C4orf46: variants seen among roughly 807,000 people sequenced by gnomAD.
C4orf46 encodes the protein renal cancer differentiation gene 1 protein.
C4orf46 carries 8 observed loss-of-function variants against 9.1 expected under a neutral mutation model. The ratio of observed to expected loss-of-function variants is 0.88; its 90% CI spans 0.52 to 1.59. The LOEUF (loss-of-function observed/expected upper bound fraction) is 1.59, where lower values mean the gene tolerates loss of function less well. Ranked by LOEUF, C4orf46 falls within the 40% of genes most tolerant of loss-of-function variation. The probability of loss-of-function intolerance (pLI) is 0.00; values close to 1 mark genes in which losing one functional copy is unlikely to be tolerated. For synonymous variants in C4orf46, 51 were observed against 58.8 expected (o/e 0.87, Z 0.61); for missense variants, 151 against 139.1 (o/e 1.09, Z -0.43).
rs1030688366 is a variant in C4orf46, at chr4:158,667,371, C to T, written c.*2242G>A. 5.3e-5 allele frequency: 8 copies of T among 151,984 alleles called. No individual in the cohort carries two copies. The highest frequency in any genetic ancestry group is 1.3e-4 in the Admixed American group (2 of 15,266). The allele number at this position is 151,984 out of a possible 1,614,324, so 9.4% of individuals were successfully genotyped here. A position where few individuals can be genotyped will look rare whatever the true frequency, so the allele number is the denominator to read the frequency against. On this transcript the variant is annotated 3_prime_UTR_variant, in exon 2 of 2. Transcript: ENST00000379205. ...GACTATTTTTATGACATTTCCTATA[C>T]AAAAACCAGAAAAAGCAAATCATTA...
In C4orf46 at chr4:158,671,698, A is replaced by T. The variant is rs1773556741; in HGVS notation, c.104T>A (p.Val35Glu). The change falls in exon 1 of 2, where the codon GTG (valine) becomes GAG (glutamate). Residue 35 changes from valine to glutamate, a missense_variant. Val to Glu is a moderately radical substitution (Grantham distance 121, BLOSUM62 -2). Coordinates refer to ENST00000379205, the MANE Select transcript of C4orf46 (RefSeq NM_001008393.4). ...GCTCGGAACTGGCCAGCCCAAACTC[A>T]CTGGGCCGCCCGGGGAAGATGCTGC... is the stretch of plus-strand genomic sequence containing the variant. ...ASAASSPGGP[V>E]SLGWPVPSRS... The T allele has an allele frequency of 6.2e-7, 1 of 1,611,236 alleles. No individual in the cohort carries two copies. The highest frequency in any genetic ancestry group is 8.5e-7 in the Non-Finnish European group (1 of 1,178,820).
chr4:158,671,507 G>A (rs1773544742), intron 1 of C4orf46, 109 bp downstream of exon 1: 3 of 1,187,126 alleles, frequency 2.5e-6, no homozygotes, highest in South Asian at 3.7e-5. Context: ...AGGGCCGGTC[G>A]TCCCGGGTCA....
rs1305377557 is a variant in C4orf46 at position 158,666,980 on chromosome 4, T to G, written c.*2633A>C. The G allele has an allele frequency of 6.6e-6, 1 of 152,216 alleles. No individual in the cohort carries two copies. The highest frequency in any genetic ancestry group is 1.5e-5 in the Non-Finnish European group (1 of 68,034). 9.4% of individuals were successfully genotyped at this position (152,216 alleles called of 1,614,324 possible). A position where few individuals can be genotyped will look rare whatever the true frequency, so the allele number is the denominator to read the frequency against. On this transcript the variant is annotated 3_prime_UTR_variant, in exon 2 of 2. Transcript: ENST00000379205. ...TCTTGGTATCAGGAAAGCATCTTTA[T>G]CAAAGAAGTTTGTATGGCTTGCTAC...
rs141058770 is a variant in C4orf46, at chr4:158,667,518, T to G, written c.*2095A>C. ...ACAGATCATTAGTATTCAAAATATG[T>G]AATATCTAAAAACTGACAAGTAAAA... On this transcript the variant is annotated 3_prime_UTR_variant, in exon 2 of 2. Coordinates refer to ENST00000379205, the MANE Select transcript of C4orf46 (RefSeq NM_001008393.4). 3.9e-5 allele frequency: 6 copies of G among 151,994 alleles called. No homozygotes were observed. Among genetic ancestry groups the G allele is most frequent in the African/African-American group, 1.2e-4 (5 of 41,466 alleles). The allele number at this position is 151,994 out of a possible 1,614,324, so 9.4% of individuals were successfully genotyped here.
chr4:158,671,872 CG>C lies in C4orf46; in HGVS notation c.-72del. ...ACACCAACTGTCTTTTAACCACTCG[CG>C]CCCAAAGCCGAAAGGCCCCGCCTCC... is the stretch of plus-strand genomic sequence containing the variant. On this transcript the variant is annotated 5_prime_UTR_variant, in exon 1 of 2. Coordinates refer to ENST00000379205, the MANE Select transcript of C4orf46 (RefSeq NM_001008393.4). 7.7e-7 allele frequency: 1 copy of C among 1,305,290 alleles called. No homozygotes were observed. 80.9% of individuals were successfully genotyped at this position (1,305,290 alleles called of 1,614,324 possible).
At position 158,667,249 on chromosome 4, in the gene C4orf46, A is replaced by G. The variant is rs1427342796; in HGVS notation, c.*2364T>C. On this transcript the variant is annotated 3_prime_UTR_variant, in exon 2 of 2. Coordinates refer to ENST00000379205, the MANE Select transcript of C4orf46 (RefSeq NM_001008393.4). ...AATATGTAAAAATAATTAAAACAAGATTCCAAAATCATGCCATAAAAGAAA... is the reference window on the plus strand; with the variant it reads ...AATATGTAAAAATAATTAAAACAAGGTTCCAAAATCATGCCATAAAAGAAA... 6.6e-6 allele frequency: 1 copy of G among 152,208 alleles called. No individual in the cohort carries two copies. Among genetic ancestry groups the G allele is most frequent in the African/African-American group, 2.4e-5 (1 of 41,440 alleles). The allele number at this position is 152,208 out of a possible 1,614,324, so 9.4% of individuals were successfully genotyped here.
At chr4:158,671,503 G>T (rs1773544547) in intron 1 of C4orf46, 113 bp downstream of exon 1, 2 of 1,134,790 alleles carry the variant, frequency 1.8e-6, no homozygotes, top group Non-Finnish European at 2.4e-6. Context: ...CAGAAGGGCC[G>T]GTCGTCCCGG....
rs1450560578 is a variant in C4orf46, at chr4:158,667,010, A to G, written c.*2603T>C. ...GAAGTTTGTATGGCTTGCTACAGGT[A>G]GGAAAGGACAGTTAAAATAGCCATT... On this transcript the variant is annotated 3_prime_UTR_variant, in exon 2 of 2. Coordinates refer to ENST00000379205, the MANE Select transcript of C4orf46 (RefSeq NM_001008393.4). The G allele has an allele frequency of 6.6e-6, 1 of 152,238 alleles. No individual in the cohort carries two copies. The highest frequency in any genetic ancestry group is 1.5e-5 in the Non-Finnish European group (1 of 68,038). 9.4% of individuals were successfully genotyped at this position (152,238 alleles called of 1,614,324 possible). A position where few individuals can be genotyped will look rare whatever the true frequency, so the allele number is the denominator to read the frequency against.
At position 158,668,273 on chromosome 4, in the gene C4orf46, TAAG is replaced by T. The variant is rs1422060182; in HGVS notation, c.*1337_*1339del. ...TAAAAATTGCAATTTTCAGGAGATGTAAGAAGAATATTTTTCTAATACTGAAAT... is the reference window on the plus strand; with the variant it reads ...TAAAAATTGCAATTTTCAGGAGATGTAAGAATATTTTTCTAATACTGAAAT... On this transcript the variant is annotated 3_prime_UTR_variant, in exon 2 of 2. Transcript: ENST00000379205. 2 of 152,666 alleles carry T rather than the reference TAAG, an allele frequency of 1.3e-5. No homozygotes were observed. Among genetic ancestry groups the T allele is most frequent in the Admixed American group, 6.5e-5 (1 of 15,286 alleles). 9.5% of individuals were successfully genotyped at this position (152,666 alleles called of 1,614,324 possible).
rs1224051415 is a variant in C4orf46, at chr4:158,666,977, T to C, written c.*2636A>G. 1.3e-5 allele frequency: 2 copies of C among 152,204 alleles called. No individual in the cohort carries two copies. The highest frequency in any genetic ancestry group is 2.4e-5 in the African/African-American group (1 of 41,452). 9.4% of individuals were successfully genotyped at this position (152,204 alleles called of 1,614,324 possible). On this transcript the variant is annotated 3_prime_UTR_variant, in exon 2 of 2. Transcript: ENST00000379205. ...TCATCTTGGTATCAGGAAAGCATCT[T>C]TATCAAAGAAGTTTGTATGGCTTGC...
chr4:158,669,856 C>A (rs1381112124), intron 1 of C4orf46, 88 bp from the exon 2 acceptor site: 1 of 1,041,012 alleles, frequency 9.6e-7, no homozygotes, highest in Non-Finnish European at 1.4e-6. Context: ...GGCTTTGAAT[C>A]CAATGCCCAT....
In C4orf46 at chr4:158,671,601, C is replaced by G; in HGVS notation, c.186+15G>C. 2 of 1,505,712 alleles carry G rather than the reference C, an allele frequency of 1.3e-6. No individual in the cohort carries two copies. Among genetic ancestry groups the G allele is most frequent in the Non-Finnish European group, 1.8e-6 (2 of 1,120,604 alleles). The allele number at this position is 1,505,712 out of a possible 1,614,324, so 93.3% of individuals were successfully genotyped here. A position where few individuals can be genotyped will look rare whatever the true frequency, so the allele number is the denominator to read the frequency against. ...GAGGCGCCGAGGGGGGACGCGGTCC[C>G]GACACCACACTCACGTCTCCGATCT... is the stretch of plus-strand genomic sequence containing the variant. On this transcript the variant is annotated intron_variant, in intron 1 of 1. Transcript: ENST00000379205.
chr4:158,671,564 C>A, intron 1 of C4orf46, 52 bp downstream of exon 1: 1 of 1,401,942 alleles, frequency 7.1e-7, no homozygotes. Flanking sequence ...CCCGCCGCCG[C>A]CGGTCTTCCC....
rs866048868 is a variant in C4orf46 at position 158,667,874 on chromosome 4, T to C, written c.*1739A>G. The C allele has an allele frequency of 1.2e-4, 19 of 152,198 alleles. 1 individual carries two copies. Among genetic ancestry groups the C allele is most frequent in the African/African-American group, 4.6e-4 (19 of 41,440 alleles). 9.4% of individuals were successfully genotyped at this position (152,198 alleles called of 1,614,324 possible). On this transcript the variant is annotated 3_prime_UTR_variant, in exon 2 of 2. Transcript: ENST00000379205. ...GGCCATCTGGAAGCTGGCTACCACA[T>C]ATATAAAACAATATTTTGTAGCGCT...
In C4orf46 at chr4:158,667,907, AAT is replaced by A. The variant is rs1027667288; in HGVS notation, c.*1704_*1705del. On this transcript the variant is annotated 3_prime_UTR_variant, in exon 2 of 2. Transcript: ENST00000379205. ...ACAATATTTTGTAGCGCTTTTAAAA[AAT>A]ATATTTGTATTAAAAATATAAAAAC... 3.9e-5 allele frequency: 6 copies of A among 152,184 alleles called. No individual in the cohort carries two copies. The highest frequency in any genetic ancestry group is 3.9e-4 in the Admixed American group (6 of 15,272). 9.4% of individuals were successfully genotyped at this position (152,184 alleles called of 1,614,324 possible). A position where few individuals can be genotyped will look rare whatever the true frequency, so the allele number is the denominator to read the frequency against.
Position 158,668,775 on chromosome 4 carries a change from TACAA to T in C4orf46, c.*834_*837del, listed in dbSNP as rs1424166398. On this transcript the variant is annotated 3_prime_UTR_variant, in exon 2 of 2. Transcript: ENST00000379205. ...ACTTTAAAGATAGCAATCAAACATATACAAATATCAAATACAAACACTGTTAAAC... is the reference window on the plus strand; with the variant it reads ...ACTTTAAAGATAGCAATCAAACATATATATCAAATACAAACACTGTTAAAC... 6.6e-6 allele frequency: 1 copy of T among 152,024 alleles called. No individual in the cohort carries two copies. The highest frequency in any genetic ancestry group is 2.4e-5 in the African/African-American group (1 of 41,372). The allele number at this position is 152,024 out of a possible 1,614,324, so 9.4% of individuals were successfully genotyped here.
At chr4:158,671,021 G>A (rs555319976) in intron 1 of C4orf46, among the ~76,000 whole-genome samples, 5 of 152,300 alleles carry the variant, frequency 3.3e-5, no homozygotes, top group South Asian at 2.1e-4. Flanking sequence ...GAACTAAACC[G>A]TCAAAGAAGC....
chr4:158,667,917 T>C lies in C4orf46; in HGVS notation c.*1696A>G, dbSNP rs1277978088. 1.3e-5 allele frequency: 2 copies of C among 152,168 alleles called. No homozygotes were observed. Among genetic ancestry groups the C allele is most frequent in the Admixed American group, 6.5e-5 (1 of 15,280 alleles). The allele number at this position is 152,168 out of a possible 1,614,324, so 9.4% of individuals were successfully genotyped here. On this transcript the variant is annotated 3_prime_UTR_variant, in exon 2 of 2. Transcript: ENST00000379205. ...GTAGCGCTTTTAAAAAATATATTTGTATTAAAAATATAAAAACACATGCTA... is the reference window on the plus strand; with the variant it reads ...GTAGCGCTTTTAAAAAATATATTTGCATTAAAAATATAAAAACACATGCTA...
Position 158,669,770 on chromosome 4 carries a change from T to TAAA in C4orf46, c.187-5_187-3dup. ...AAGTTTGGTTAATGAAAAGGCTGCC[T>TAAA]AAAAAAAAAAAGTCAAACATAATTT... On this transcript the variant is annotated splice_region_variant and splice_polypyrimidine_tract_variant and intron_variant, in intron 1 of 1. Coordinates refer to ENST00000379205, the MANE Select transcript of C4orf46 (RefSeq NM_001008393.4). The TAAA allele has an allele frequency of 1.6e-6, 2 of 1,219,858 alleles. No homozygotes were observed. Among genetic ancestry groups the TAAA allele is most frequent in the Non-Finnish European group, 2.2e-6 (2 of 895,938 alleles). 75.6% of individuals were successfully genotyped at this position (1,219,858 alleles called of 1,614,324 possible). A position where few individuals can be genotyped will look rare whatever the true frequency, so the allele number is the denominator to read the frequency against.
Sources: gnomAD v4.1 joint callset for allele counts (sites outside exome capture counted in the v4.1 genomes callset) on GRCh38, gnomAD v4.1.1 for gene constraint, MANE v1.5 for transcripts, NCBI Gene and HGNC (gene_info 2026-07-23, HGNC 2026-07-21) for gene names.